Variants in TIAM1 observed in about 807,000 individuals in gnomAD.
TIAM1 encodes the protein rho guanine nucleotide exchange factor TIAM1.
Under a neutral mutation model 163.5 loss-of-function variants are expected in TIAM1, and 65 were observed. The ratio of observed to expected loss-of-function variants is 0.40; its 90% CI spans 0.33 to 0.49. TIAM1 has a LOEUF of 0.49. TIAM1 is among the 20% of genes least tolerant of loss of function. TIAM1 has a pLI of 0.77. For synonymous variants in TIAM1, 833 were observed against 810.1 expected (o/e 1.03, Z -0.48); for missense variants, 1,789 against 2,044.7 (o/e 0.87, Z 2.41).
At chr21:31,227,670 T>C (rs764530004) in intron 6 of TIAM1, among the ~76,000 whole-genome samples, 4 of 152,170 alleles carry the variant, frequency 2.6e-5, no homozygotes, top group Non-Finnish European at 4.4e-5. Context: ...GAAAAATGCA[T>C]GTCTATTTAT....
chr21:31,127,076 G>C lies in TIAM1; in HGVS notation c.4122C>G (p.His1374Gln). 2 of 1,613,976 alleles carry C rather than the reference G, an allele frequency of 1.2e-6. No homozygotes were observed. Among genetic ancestry groups the C allele is most frequent in the Non-Finnish European group, 8.5e-7 (1 of 1,179,886 alleles). The change falls in exon 26 of 28, where the codon CAC (histidine) becomes CAG (glutamine). Residue 1374 changes from histidine (H) to glutamine (Q), a missense_variant. Transcript: ENST00000541036. ...ESEGRPERVF[H>Q]LCCSSPESRK... ...AGGCCCAGGCTCACCTGCAGCACAA[G>C]TGAAAGACCCTCTCCGGCCTCCCTT...
chr21:31,249,432 A>G (rs1419004987), intron 5 of TIAM1, among the ~76,000 whole-genome samples: 1 of 152,200 alleles, frequency 6.6e-6, no homozygotes, highest in Non-Finnish European at 1.5e-5. Flanking sequence ...TGGCAGCCCC[A>G]GCAAACTCAT....
At chr21:31,363,425 G>A (rs1168337036) in intron 2 of TIAM1, among the ~76,000 whole-genome samples, 1 of 151,688 alleles carries the variant, frequency 6.6e-6, no homozygotes, top group Non-Finnish European at 1.5e-5. Flanking sequence ...TTTTTTTCTG[G>A]GTTTTTTAAA....
chr21:31,225,836 T>C lies in TIAM1; in HGVS notation c.1699A>G (p.Ile567Val). ...EDTLRLLKSE[I>V]KKLEQKIDMD... ...TCAATCTTCTGTTCCAGTTTTTTGA[T>C]CTCTGATTTCAGGAGTCGGAGCGTG... The change falls in exon 7 of 28, where the codon ATC (isoleucine) becomes GTC (valine). Residue 567 changes from isoleucine to valine, a missense_variant. Physicochemically the swap from Ile to Val is conservative, Grantham distance 29. Around this residue, in one of 5 missense-constraint regions of TIAM1, gnomAD observed 456 missense variants for 586.6 expected, o/e 0.78. Transcript: ENST00000541036. The C allele has an allele frequency of 6.2e-7, 1 of 1,614,208 alleles. No individual in the cohort carries two copies. Among genetic ancestry groups the C allele is most frequent in the South Asian group, 1.1e-5 (1 of 91,086 alleles).
intron 2 of TIAM1, among the ~76,000 whole-genome samples, chr21:31,396,369 C>T (rs1044189640): frequency 7.9e-5 from 12 of 151,986 alleles, no homozygotes; most frequent in African/African-American, 2.2e-4. Context: ...TAGATTTCCA[C>T]GGGGTCTCTC....
intron 2 of TIAM1, among the ~76,000 whole-genome samples, chr21:31,427,806 C>A (rs1270591938): frequency 6.6e-6 from 1 of 151,962 alleles, no homozygotes; most frequent in Non-Finnish European, 1.5e-5. Context: ...TGCACTCCAG[C>A]CTGGACAACA....
intron 1 of TIAM1, among the ~76,000 whole-genome samples, chr21:31,485,434 C>T (rs2046240838): frequency 6.6e-6 from 1 of 152,112 alleles, no homozygotes; most frequent in African/African-American, 2.4e-5. Flanking sequence ...AATTCATGTG[C>T]TCATTCCGAG....
At chr21:31,250,734 GAGA>G (rs918009040) in intron 5 of TIAM1, among the ~76,000 whole-genome samples, 20 of 152,196 alleles carry the variant, frequency 1.3e-4, no homozygotes, top group African/African-American at 4.6e-4. Context: ...CTGTGTGTTT[GAGA>G]AGTGTTTTTC....
rs987995000 is a variant in TIAM1 at position 31,369,696 on chromosome 21, C to G, written c.-368-30274G>C. The stretch of plus-strand genomic sequence containing the variant: ...GTCCCATAAATATGTACAATTATTA[C>G]ATGTCAACTAAAAATAAAAGGAAAA... On this transcript the variant is annotated intron_variant, in intron 2 of 28. Coordinates refer to the TIAM1 transcript ENST00000286827. Among the ~76,000 whole-genome samples the G allele has an allele frequency of 2.0e-5, 3 of 152,062 alleles. No individual in the cohort carries two copies. In the East Asian group the frequency reaches 5.8e-4, roughly 29 times the overall value.
upstream of TIAM1, chr21:31,559,012 C>T (rs1020538308): frequency 6.6e-6 from 1 of 151,738 alleles, no homozygotes; most frequent in Non-Finnish European, 1.5e-5. Context: ...GCCAAGGCGT[C>T]CGCGGAGCTG....
At chr21:31,542,530 A>C (rs2048355378) in intron 1 of TIAM1, among the ~76,000 whole-genome samples, 1 of 152,116 alleles carries the variant, frequency 6.6e-6, no homozygotes, top group Non-Finnish European at 1.5e-5. Context: ...GCTTCTCTCT[A>C]TTTCTACTTG....
intron 13 of TIAM1, among the ~76,000 whole-genome samples, chr21:31,187,868 T>C (rs2085375672): frequency 6.6e-6 from 1 of 152,178 alleles, no homozygotes; most frequent in Non-Finnish European, 1.5e-5. Context: ...TCAATTACTT[T>C]GAATGTCCAC....
chr21:31,480,712 G>C (rs1041023642), intron 1 of TIAM1, among the ~76,000 whole-genome samples: 5 of 152,092 alleles, frequency 3.3e-5, no homozygotes, highest in African/African-American at 1.2e-4. Flanking sequence ...AGCACAGACT[G>C]GGGGATTCAA....
chr21:31,252,220 C>A, intron 4 of TIAM1, 31 bp from the exon 5 acceptor site: 1 of 1,584,964 alleles, frequency 6.3e-7, no homozygotes, highest in South Asian at 1.1e-5. Flanking sequence ...GCAAAGAAGA[C>A]AAGCGTCACG....
chr21:31,386,726 T>C (rs2076878381), intron 2 of TIAM1, among the ~76,000 whole-genome samples: 1 of 151,932 alleles, frequency 6.6e-6, no homozygotes, highest in Non-Finnish European at 1.5e-5. Flanking sequence ...GGTACATACA[T>C]CTTAGGGAGG....
intron 2 of TIAM1, among the ~76,000 whole-genome samples, chr21:31,338,642 A>G (rs762096650): frequency 6.6e-6 from 1 of 152,192 alleles, no homozygotes. Flanking sequence ...TACAGGAAGT[A>G]GGGAGGGTGT....
In TIAM1 at chr21:31,120,655, C is replaced by T; in HGVS notation, c.4489G>A (p.Asp1497Asn). 6.2e-7 allele frequency: 1 copy of T among 1,614,158 alleles called. No individual in the cohort carries two copies. The highest frequency in any genetic ancestry group is 8.5e-7 in the Non-Finnish European group (1 of 1,180,038). ...AGGATGTCTGTCTCCTTGATGTCAT[C>T]TTGCTCCTCATACTGAGCAAGATCA... ...QFDLAQYEEQDDIKETDILSD... is the reference protein window; with the variant it reads ...QFDLAQYEEQNDIKETDILSD... The change falls in exon 28 of 28, where the codon GAT becomes AAT. Residue 1497 changes from aspartate to asparagine, a missense_variant. Physicochemically the swap from Asp to Asn is conservative, Grantham distance 23. Around this residue, in one of 5 missense-constraint regions of TIAM1, gnomAD observed 415 missense variants for 439.2 expected, o/e 0.94. Coordinates refer to ENST00000541036, the MANE Select transcript of TIAM1 (RefSeq NM_001353694.2). This position sits in a 1 kb window ranked among gnomAD's most constrained non-coding sequence, Gnocchi z 4.2.
intron 9 of TIAM1, 43 bp downstream of exon 9, chr21:31,217,510 A>C: frequency 6.3e-7 from 1 of 1,594,528 alleles, no homozygotes; most frequent in Non-Finnish European, 8.6e-7. Flanking sequence ...TGGCCACAGA[A>C]GTGATTTGTG....
At chr21:31,320,370 A>G (rs563115384) in intron 2 of TIAM1, among the ~76,000 whole-genome samples, 11 of 152,288 alleles carry the variant, frequency 7.2e-5, no homozygotes, top group African/African-American at 2.6e-4. Context: ...AAAAAGTTCT[A>G]GAATTAGATC....
Sources: gnomAD v4.1 joint callset for allele counts (sites outside exome capture counted in the v4.1 genomes callset) on GRCh38, gnomAD v4.1.1 for gene constraint, gnomAD v4.1.1 regional missense constraint, Gnocchi (gnomAD v3.1) non-coding constraint, MANE v1.5 for transcripts, NCBI Gene and HGNC (gene_info 2026-07-23, HGNC 2026-07-21) for gene names.